PATJ: variants seen among roughly 807,000 people sequenced by gnomAD.
The protein encoded by PATJ is PATJ crumbs cell polarity complex component, also known as inaD-like protein.
PATJ carries 190 observed loss-of-function variants against 224.9 expected under a neutral mutation model. That is an observed-to-expected ratio of 0.84 (90% confidence interval 0.75 to 0.95). PATJ has a LOEUF of 0.95. Among genes scored for constraint, PATJ ranks in the 40% least tolerant of loss-of-function variants. PATJ has a pLI of 0.00. For missense variants in PATJ, 2,121 were observed against 2,270.3 expected, an observed-to-expected ratio of 0.93 and a Z score of 1.34; for synonymous variants, 769 against 820.3, an observed-to-expected ratio of 0.94 and a Z score of 1.07.
chr1:62,031,609 T>C (rs1412422842), intron 29 of PATJ, among the ~76,000 whole-genome samples: 1 of 152,194 alleles, frequency 6.6e-6, no homozygotes, highest in Non-Finnish European at 1.5e-5. Flanking sequence ...ACCTAGGGAT[T>C]TTAACTTGCG....
At chr1:61,871,674 T>C (rs2149006830) in intron 20 of PATJ, among the ~76,000 whole-genome samples, 1 of 148,420 alleles carries the variant, frequency 6.7e-6, no homozygotes, top group Non-Finnish European at 1.5e-5. Context: ...GCAATTCTCC[T>C]ACCTCAGCCT....
chr1:61,773,391 G>A (rs1646727274), intron 6 of PATJ, among the ~76,000 whole-genome samples: 1 of 152,132 alleles, frequency 6.6e-6, no homozygotes, highest in Non-Finnish European at 1.5e-5. Flanking sequence ...AAACTGGATG[G>A]GTATGGTGGC....
chr1:61,832,432 T>C (rs987077511), intron 16 of PATJ, among the ~76,000 whole-genome samples: 1 of 152,220 alleles, frequency 6.6e-6, no homozygotes, highest in Non-Finnish European at 1.5e-5. Flanking sequence ...TTACATTAAA[T>C]TGCTTCTCTT....
intron 14 of PATJ, among the ~76,000 whole-genome samples, chr1:61,812,433 A>AGAGAGTGTGTGT (rs1397549346): frequency 1.1e-4 from 9 of 85,148 alleles, no homozygotes; most frequent in African/African-American, 4.0e-4. Flanking sequence ...AGAGAGAGAG[A>AGAGAGTGTGTGT]GTGTGTGTGT....
At chr1:62,025,326 T>G (rs906556966) in intron 29 of PATJ, among the ~76,000 whole-genome samples, 3 of 152,172 alleles carry the variant, frequency 2.0e-5, no homozygotes, top group Admixed American at 6.5e-5. Flanking sequence ...CGTTGCTGGC[T>G]CTTGAAATGA....
chr1:62,007,959 C>T (rs542196691), intron 28 of PATJ, among the ~76,000 whole-genome samples: 2 of 152,196 alleles, frequency 1.3e-5, no homozygotes, highest in South Asian at 4.2e-4. Flanking sequence ...ATAGCTTCAC[C>T]AAAAAAGTAG....
intron 22 of PATJ, among the ~76,000 whole-genome samples, chr1:61,894,924 G>A (rs1483537811): frequency 6.6e-6 from 1 of 152,172 alleles, no homozygotes; most frequent in Non-Finnish European, 1.5e-5. Context: ...ATGAAGTCCA[G>A]GCTGAGTTGG....
chr1:61,779,181 G>T (rs1323804870), intron 7 of PATJ, among the ~76,000 whole-genome samples: 1 of 152,054 alleles, frequency 6.6e-6, no homozygotes, highest in East Asian at 1.9e-4. Flanking sequence ...GAACCAATAG[G>T]ACATGCGTGT....
intron 1 of PATJ, among the ~76,000 whole-genome samples, chr1:61,744,344 C>T (rs1326433028): frequency 1.4e-5 from 2 of 141,850 alleles, no homozygotes; most frequent in East Asian, 2.2e-4. Flanking sequence ...ATCTGAATTA[C>T]TGCATTCCTA....
At chr1:61,832,444 T>C (rs1013314534) in intron 16 of PATJ, among the ~76,000 whole-genome samples, 2 of 152,230 alleles carry the variant, frequency 1.3e-5, no homozygotes, top group Non-Finnish European at 2.9e-5. Flanking sequence ...GCTTCTCTTA[T>C]ACTGGTGTTT....
At chr1:61,818,780 T>C (rs911230693) in intron 14 of PATJ, among the ~76,000 whole-genome samples, 10 of 152,282 alleles carry the variant, frequency 6.6e-5, no homozygotes, top group African/African-American at 2.2e-4. Flanking sequence ...GCACAGCCCA[T>C]GTCTGGAGGG....
At chr1:61,834,527 A>G (rs78148781) in intron 17 of PATJ, among the ~76,000 whole-genome samples, 10,725 of 152,218 alleles carry the variant, frequency 0.07, 450 homozygotes, top group South Asian at 0.14. Context: ...ATTTGGGGGA[A>G]TTAAAATTGT....
In PATJ at chr1:61,909,272, G is replaced by A. The variant is rs80318580; in HGVS notation, c.3492+790G>A. Among the ~76,000 whole-genome samples the A allele has an allele frequency of 6.3e-3, 964 of 152,248 alleles. 1 individual carries two copies. Among genetic ancestry groups the A allele is most frequent in the Middle Eastern group, 0.01 (3 of 294 alleles). ...TGTTATTACAGGTGTGAGCCACTGC[G>A]CCTGACCTACAATTTTTCTTCTGTA... On this transcript the variant is annotated intron_variant, in intron 25 of 43. Coordinates refer to ENST00000642238, the MANE Select transcript of PATJ (RefSeq NM_001350145.3).
intron 29 of PATJ, among the ~76,000 whole-genome samples, chr1:62,032,960 T>C (rs1304029563): frequency 1.3e-5 from 2 of 152,146 alleles, no homozygotes; most frequent in African/African-American, 2.4e-5. Flanking sequence ...TCAGCTCTCC[T>C]GAGAACTCAC....
intron 24 of PATJ, among the ~76,000 whole-genome samples, chr1:61,901,914 T>C (rs1252587947): frequency 6.6e-6 from 1 of 152,100 alleles, no homozygotes; most frequent in Non-Finnish European, 1.5e-5. Context: ...ATACGCTCTG[T>C]GGGCGCTAAG....
Position 61,780,735 on chromosome 1 carries a change from A to G in PATJ, c.849+5401A>G, listed in dbSNP as rs151293656. Among the ~76,000 whole-genome samples, 70 of 152,228 alleles carry G rather than the reference A, an allele frequency of 4.6e-4. No homozygotes were observed. In the East Asian group the frequency reaches 9.1e-3, roughly 20 times the overall value. On this transcript the variant is annotated intron_variant, in intron 7 of 43. Transcript: ENST00000642238. Reference sequence around the variant, plus strand: ...GTCAAGTAAATTTAAACAAAATCCAATAGGTTTCTTTACTGTAAGAATTTT... The same window carrying G: ...GTCAAGTAAATTTAAACAAAATCCAGTAGGTTTCTTTACTGTAAGAATTTT...
At chr1:61,867,748 C>T (rs1031550471) in intron 20 of PATJ, among the ~76,000 whole-genome samples, 1 of 152,064 alleles carries the variant, frequency 6.6e-6, no homozygotes, top group African/African-American at 2.4e-5. Flanking sequence ...TCTTTTCCTC[C>T]CTTCCACAGT....
At chr1:61,749,820 A>G (rs1404090324) in intron 1 of PATJ, among the ~76,000 whole-genome samples, 1 of 152,022 alleles carries the variant, frequency 6.6e-6, no homozygotes, top group East Asian at 1.9e-4. Context: ...CTGGGAGTAC[A>G]GGTGTGTGCC....
intron 27 of PATJ, among the ~76,000 whole-genome samples, chr1:61,930,317 G>C (rs1254464685): frequency 6.6e-6 from 1 of 152,198 alleles, no homozygotes; most frequent in Admixed American, 6.5e-5. Flanking sequence ...CTTTGAAATA[G>C]ATCCCATGGG....
Sources: gnomAD v4.1 joint callset for allele counts (sites outside exome capture counted in the v4.1 genomes callset) on GRCh38, gnomAD v4.1.1 for gene constraint, MANE v1.5 for transcripts, NCBI Gene and HGNC (gene_info 2026-07-23, HGNC 2026-07-21) for gene names.